The following SLC2A13 variants were observed in gnomAD, a reference collection of about 807,000 sequenced individuals.
The protein encoded by SLC2A13 is solute carrier family 2 member 13.
SLC2A13 carries 32 observed loss-of-function variants against 64.4 expected under a neutral mutation model. The ratio of observed to expected loss-of-function variants is 0.50; its 90% CI spans 0.37 to 0.67. SLC2A13 has a LOEUF of 0.67. Ranked by LOEUF, SLC2A13 falls within the 30% of genes least tolerant of loss-of-function variation. SLC2A13 has a pLI of 0.00. For missense variants in SLC2A13, 743 were observed against 829.2 expected (o/e 0.90, Z 1.28); for synonymous variants, 338 against 327.1 (o/e 1.03, Z -0.36).
intron 1 of SLC2A13, among the ~76,000 whole-genome samples, chr12:40,055,321 A>G (rs1948317920): frequency 6.6e-6 from 1 of 152,218 alleles, no homozygotes; most frequent in Admixed American, 6.5e-5. Context: ...AGCTCTTAAC[A>G]TAGTATCACA....
chr12:39,991,937 G>C (rs190387042), intron 3 of SLC2A13, among the ~76,000 whole-genome samples: 2 of 152,272 alleles, frequency 1.3e-5, no homozygotes, highest in African/African-American at 4.8e-5. Context: ...TGTTCTGCAG[G>C]CATCCTTGTT....
intron 7 of SLC2A13, among the ~76,000 whole-genome samples, chr12:39,780,305 T>C (rs1241950539): frequency 2.6e-5 from 4 of 152,200 alleles, no homozygotes; most frequent in African/African-American, 9.7e-5. Flanking sequence ...ATAATCATCT[T>C]ACCAGTTCAG....
chr12:39,936,512 C>T (rs962365537), intron 4 of SLC2A13, among the ~76,000 whole-genome samples: 1 of 152,198 alleles, frequency 6.6e-6, no homozygotes, highest in African/African-American at 2.4e-5. Flanking sequence ...ATATTTCCTG[C>T]CTTTAGGCCC....
At chr12:39,968,804 ATATC>A (rs1946585371) in intron 3 of SLC2A13, among the ~76,000 whole-genome samples, 1 of 137,260 alleles carries the variant, frequency 7.3e-6, no homozygotes, top group Non-Finnish European at 1.6e-5. Flanking sequence ...ATATATATAT[ATATC>A]TACATTATAA....
intron 3 of SLC2A13, among the ~76,000 whole-genome samples, chr12:40,021,444 A>C (rs1472636656): frequency 6.6e-6 from 1 of 152,230 alleles, no homozygotes; most frequent in African/African-American, 2.4e-5. Flanking sequence ...AAAACTGAAC[A>C]GAGTTGTGTA....
chr12:40,051,849 A>C (rs1023590027), intron 1 of SLC2A13, among the ~76,000 whole-genome samples: 3 of 152,146 alleles, frequency 2.0e-5, no homozygotes, highest in Non-Finnish European at 4.4e-5. Context: ...GAAGCCTCTG[A>C]ATAGGGTAGA....
chr12:40,068,360 AT>A, intron 1 of SLC2A13: 1 of 367,886 alleles, frequency 2.7e-6, no homozygotes. Flanking sequence ...GTCCAGTATT[AT>A]TACCACTGTA....
At chr12:39,936,878 T>C (rs979600911) in intron 4 of SLC2A13, among the ~76,000 whole-genome samples, 3 of 152,166 alleles carry the variant, frequency 2.0e-5, no homozygotes, top group African/African-American at 7.2e-5. Context: ...CAGTTGAATA[T>C]ATGAGTGTGT....
At chr12:39,910,092 AC>A (rs1401650817) in intron 4 of SLC2A13, among the ~76,000 whole-genome samples, 1 of 151,988 alleles carries the variant, frequency 6.6e-6, no homozygotes, top group Non-Finnish European at 1.5e-5. Context: ...AAGAACTAGA[AC>A]CCTGTCCCCT....
chr12:39,970,518 A>T (rs1431532729), intron 3 of SLC2A13, among the ~76,000 whole-genome samples: 6 of 151,840 alleles, frequency 4.0e-5, no homozygotes, highest in Non-Finnish European at 1.5e-5. Flanking sequence ...CTCCTCTAAC[A>T]TTTCTTTGTT....
intron 1 of SLC2A13, among the ~76,000 whole-genome samples, chr12:40,069,898 C>A (rs1322667642): frequency 1.3e-5 from 2 of 152,008 alleles, no homozygotes; most frequent in Admixed American, 6.6e-5. Context: ...TTCTTATATA[C>A]AATCAGTTTA....
At chr12:40,101,383 C>A (rs1263009563) in intron 1 of SLC2A13, among the ~76,000 whole-genome samples, 1 of 152,162 alleles carries the variant, frequency 6.6e-6, no homozygotes, top group Non-Finnish European at 1.5e-5. Context: ...CTATCTTCGC[C>A]TTTGTCAAAG....
chr12:39,902,631 G>A (rs1218309368), intron 4 of SLC2A13, among the ~76,000 whole-genome samples: 1 of 152,042 alleles, frequency 6.6e-6, no homozygotes, highest in Non-Finnish European at 1.5e-5. Flanking sequence ...TGTGTCTAAA[G>A]TAGTTTGAAC....
intron 6 of SLC2A13, among the ~76,000 whole-genome samples, chr12:39,831,494 T>A (rs1478499767): frequency 1.3e-5 from 2 of 152,188 alleles, no homozygotes; most frequent in Non-Finnish European, 2.9e-5. Flanking sequence ...GAAAAGGATA[T>A]GAAAGAATAT....
chr12:39,827,599 T>C (rs770554661), intron 7 of SLC2A13, among the ~76,000 whole-genome samples: 1 of 152,148 alleles, frequency 6.6e-6, no homozygotes, highest in Non-Finnish European at 1.5e-5. Context: ...GTGGGATGCA[T>C]GTTGGAGGTG....
chr12:40,093,788 A>C (rs949781819), intron 1 of SLC2A13, among the ~76,000 whole-genome samples: 4 of 152,098 alleles, frequency 2.6e-5, no homozygotes, highest in African/African-American at 9.7e-5. Context: ...AAGGAAAAGC[A>C]GTAGGAAATC....
At chr12:40,047,849 T>C (rs1948193903) in intron 2 of SLC2A13, among the ~76,000 whole-genome samples, 1 of 152,300 alleles carries the variant, frequency 6.6e-6, no homozygotes. Context: ...TAAATATCAA[T>C]TCTTAATGGT....
At chr12:39,760,394 C>T in intron 9 of SLC2A13, 142 bp from the exon 10 acceptor site, 1 of 648,844 alleles carries the variant, frequency 1.5e-6, no homozygotes, top group Non-Finnish European at 2.6e-6. Flanking sequence ...TACTATGAAC[C>T]TGGTTTACTC....
chr12:39,998,823 CA>C (rs1435371508), intron 3 of SLC2A13, among the ~76,000 whole-genome samples: 2 of 151,994 alleles, frequency 1.3e-5, no homozygotes, highest in Admixed American at 6.6e-5. Flanking sequence ...TTGGAGGGGC[CA>C]GGGGCAGAAT....
Sources: allele counts gnomAD v4.1 joint callset (sites outside exome capture counted in the v4.1 genomes callset), GRCh38; gene constraint gnomAD v4.1.1; transcripts MANE v1.5; gene names NCBI Gene and HGNC (gene_info 2026-07-23, HGNC 2026-07-21).